The following KCNQ3 variants were observed in gnomAD, a reference collection of about 807,000 sequenced individuals.
KCNQ3 encodes the protein potassium voltage-gated channel subfamily KQT member 3.
Under a neutral mutation model 92.5 loss-of-function variants are expected in KCNQ3, and 30 were observed. The ratio of observed to expected loss-of-function variants is 0.32; its 90% confidence interval spans 0.24 to 0.44. The LOEUF is 0.44. Ranked by LOEUF, KCNQ3 falls within the 20% of genes least tolerant of loss-of-function variation. The pLI, the probability that KCNQ3 is intolerant of heterozygous loss-of-function variation, is 1.00. For synonymous variants in KCNQ3, 450 were observed against 468.8 expected (o/e 0.96, Z 0.52); for missense variants, 913 against 1,140.3 (o/e 0.80, Z 2.87).
At chr8:132,254,162 T>G (rs887032981) in intron 1 of KCNQ3, among the ~76,000 whole-genome samples, 11 of 152,172 alleles carry the variant, frequency 7.2e-5, no homozygotes, top group African/African-American at 2.7e-4. Flanking sequence ...TAAAACTGAC[T>G]CATGTGCCCA....
At chr8:132,337,979 A>C (rs1444631611) in intron 1 of KCNQ3, among the ~76,000 whole-genome samples, 1 of 152,228 alleles carries the variant, frequency 6.6e-6, no homozygotes, top group African/African-American at 2.4e-5. Context: ...TAGTAAAGAT[A>C]GGAACCATCT....
chr8:132,363,104 C>A (rs1819217930), intron 1 of KCNQ3, among the ~76,000 whole-genome samples: 1 of 152,158 alleles, frequency 6.6e-6, no homozygotes, highest in East Asian at 1.9e-4. Context: ...AAACCAGATG[C>A]AGAAGCAAGC....
rs937677596 is a variant in KCNQ3 at position 132,121,317 on chromosome 8, G to A, written c.*7945C>T. The A allele has an allele frequency of 3.0e-4, 45 of 152,230 alleles. No individual in the cohort carries two copies. Among genetic ancestry groups the A allele is most frequent in the African/African-American group, 1.0e-3 (42 of 41,452 alleles). The allele number at this position is 152,230 out of a possible 1,614,324, so 9.4% of individuals were successfully genotyped here. A position where few individuals can be genotyped will look rare whatever the true frequency, so the allele number is the denominator to read the frequency against. The stretch of plus-strand genomic sequence containing the variant: ...GCCATATCCTATCTGAAGCAAGGCA[G>A]AGATCATTTTTCTCTTTAAAACAAG... On this transcript the variant is annotated 3_prime_UTR_variant, in exon 15 of 15. Coordinates refer to ENST00000388996, the MANE Select transcript of KCNQ3 (RefSeq NM_004519.4).
At chr8:132,212,208 A>G (rs1813883123) in intron 1 of KCNQ3, among the ~76,000 whole-genome samples, 1 of 151,782 alleles carries the variant, frequency 6.6e-6, no homozygotes, top group African/African-American at 2.4e-5. Context: ...AGGCTCACAC[A>G]CTCACTTTTC....
intron 1 of KCNQ3, among the ~76,000 whole-genome samples, chr8:132,347,801 C>A (rs1011649984): frequency 1.3e-5 from 2 of 151,596 alleles, no homozygotes; most frequent in Non-Finnish European, 2.9e-5. Flanking sequence ...CACAGTGAAA[C>A]CCCGTCTCTA....
chr8:132,346,786 G>T (rs1468200930), intron 1 of KCNQ3, among the ~76,000 whole-genome samples: 2 of 152,136 alleles, frequency 1.3e-5, no homozygotes, highest in Non-Finnish European at 2.9e-5. Flanking sequence ...GAGAAGAGGA[G>T]GTCTCACCTC....
chr8:132,334,292 G>A (rs1293480999), intron 1 of KCNQ3, among the ~76,000 whole-genome samples: 1 of 151,918 alleles, frequency 6.6e-6, no homozygotes, highest in African/African-American at 2.4e-5. Flanking sequence ...GACCAACATG[G>A]TGAAACCTTG....
At chr8:132,219,204 TTGA>T (rs1173367299) in intron 1 of KCNQ3, among the ~76,000 whole-genome samples, 1 of 152,180 alleles carries the variant, frequency 6.6e-6, no homozygotes, top group Non-Finnish European at 1.5e-5. Flanking sequence ...CTTGGGGACC[TTGA>T]TGAGTGCAGA....
intron 1 of KCNQ3, among the ~76,000 whole-genome samples, chr8:132,368,595 C>T (rs1469073748): frequency 2.6e-5 from 4 of 151,856 alleles, no homozygotes; most frequent in African/African-American, 9.7e-5. Flanking sequence ...CAAGGCTGCA[C>T]TGAGCTGTGA....
chr8:132,384,414 C>G (rs534690268), intron 1 of KCNQ3, among the ~76,000 whole-genome samples: 2 of 152,150 alleles, frequency 1.3e-5, no homozygotes, highest in Admixed American at 1.3e-4. Flanking sequence ...AATTCCAGGA[C>G]GGAGACAGGC....
At chr8:132,150,132 T>C (rs895780987) in intron 9 of KCNQ3, among the ~76,000 whole-genome samples, 10 of 152,200 alleles carry the variant, frequency 6.6e-5, no homozygotes, top group African/African-American at 2.4e-4. Context: ...TGGGGATCAC[T>C]GTATTTTTGG....
rs574805055 is a variant in KCNQ3 at position 132,163,635 on chromosome 8, G to C, written c.1236-141C>G. ...TAGGACAGGATGGTCAGTGTGGAGGGAACCAATGAAGGAGGCGGGTTTACC... is the reference window on the plus strand; with the variant it reads ...TAGGACAGGATGGTCAGTGTGGAGGCAACCAATGAAGGAGGCGGGTTTACC... On this transcript the variant is annotated intron_variant, in intron 8 of 14. Coordinates refer to ENST00000388996, the MANE Select transcript of KCNQ3 (RefSeq NM_004519.4). The C allele has an allele frequency of 3.9e-6, 3 of 775,576 alleles. No homozygotes were observed. In the South Asian group the frequency reaches 4.5e-5, roughly 12 times the overall value. The allele number at this position is 775,576 out of a possible 1,614,324, so 48.0% of individuals were successfully genotyped here.
chr8:132,169,754 A>C (rs1453571074), intron 8 of KCNQ3, among the ~76,000 whole-genome samples: 1 of 152,244 alleles, frequency 6.6e-6, no homozygotes, highest in Admixed American at 6.5e-5. Flanking sequence ...TGCACAGAGG[A>C]ATCACCTGGG....
At chr8:132,419,613 A>G (rs1415668231) in intron 1 of KCNQ3, among the ~76,000 whole-genome samples, 1 of 152,216 alleles carries the variant, frequency 6.6e-6, no homozygotes, top group Non-Finnish European at 1.5e-5. Context: ...CTGTGCCCTC[A>G]GAGAGTGCTC....
chr8:132,240,182 C>CTTTTTT (rs11342824), intron 1 of KCNQ3, among the ~76,000 whole-genome samples: 6 of 111,890 alleles, frequency 5.4e-5, no homozygotes, highest in Non-Finnish European at 8.8e-5. Flanking sequence ...TGCCATGATT[C>CTTTTTT]TTTTTTTTTT....
rs190076829 is a variant in KCNQ3, at chr8:132,453,250, C to T, written c.386+26897G>A. ...TGGGGCCTGTTGGCCTCGGTGAAGA[C>T]GGCGGGTACTAGTCTAAGGTCAACA... is the stretch of plus-strand genomic sequence containing the variant. On this transcript the variant is annotated intron_variant, in intron 1 of 14. Transcript: ENST00000388996. Among the ~76,000 whole-genome samples the T allele has an allele frequency of 9.9e-3, 1,512 of 152,186 alleles. 24 individuals are homozygous for T. Among genetic ancestry groups the T allele is most frequent in the African/African-American group, 0.035 (1,458 of 41,520 alleles).
chr8:132,157,934 T>C lies in KCNQ3; in HGVS notation c.1262+5534A>G, dbSNP rs538730328. Among the ~76,000 whole-genome samples the C allele has an allele frequency of 1.3e-4, 20 of 152,296 alleles. No homozygotes were observed. The South Asian group carries it at 1.5e-3, about 11-fold the overall frequency. On this transcript the variant is annotated intron_variant, in intron 9 of 14. Transcript: ENST00000388996. ...ATGAATGAGAACATGCGGTGTCTGATAACCTGTGTTTTAATCCTTTGACTT... is the reference window on the plus strand; with the variant it reads ...ATGAATGAGAACATGCGGTGTCTGACAACCTGTGTTTTAATCCTTTGACTT...
rs138096966 is a variant in KCNQ3 at position 132,408,375 on chromosome 8, C to T, written c.386+71772G>A. 5.3e-3 allele frequency among the ~76,000 whole-genome samples: 807 copies of T among 152,226 alleles called. 10 individuals carry two copies. Among genetic ancestry groups the T allele is most frequent in the African/African-American group, 0.018 (767 of 41,522 alleles). On this transcript the variant is annotated intron_variant, in intron 1 of 14. Transcript: ENST00000388996. ...TGTACTGGAGTCCCTTCTGTGCACG[C>T]TCTGGTCTTCTAGGCATCCCCCTGA...
intron 1 of KCNQ3, among the ~76,000 whole-genome samples, chr8:132,194,346 C>G (rs375704821): frequency 1.3e-5 from 2 of 152,206 alleles, no homozygotes; most frequent in Non-Finnish European, 2.9e-5. Context: ...ATCCTACTGA[C>G]CCTCAATTGA....
Sources: allele counts gnomAD v4.1 joint callset (sites outside exome capture counted in the v4.1 genomes callset), GRCh38; gene constraint gnomAD v4.1.1; transcripts MANE v1.5; gene names NCBI Gene and HGNC (gene_info 2026-07-23, HGNC 2026-07-21).